The following CCDC18 variants were observed in gnomAD, a reference collection of about 807,000 sequenced individuals.
CCDC18 encodes the protein coiled-coil domain containing 18.
CCDC18 carries 157 observed loss-of-function variants against 196.0 expected under a neutral mutation model. The ratio of observed to expected loss-of-function variants is 0.80; its 90% CI spans 0.70 to 0.91. The LOEUF (loss-of-function observed/expected upper bound fraction) is 0.91. Among genes scored for constraint, CCDC18 ranks in the 40% least tolerant of loss-of-function variants. The pLI, the probability that CCDC18 is intolerant of heterozygous loss-of-function variation, is 0.00. For synonymous variants in CCDC18, 482 were observed against 529.2 expected (o/e 0.91, Z 1.22); for missense variants, 1,465 against 1,611.6 (o/e 0.91, Z 1.56).
At chr1:93,273,028 A>G (rs1352143757) in intron 28 of CCDC18, among the ~76,000 whole-genome samples, 3 of 152,048 alleles carry the variant, frequency 2.0e-5, no homozygotes, top group African/African-American at 4.8e-5. Context: ...ATGGAATGGA[A>G]GGTTTGATAG....
chr1:93,188,648 C>T (rs1651140140), intron 4 of CCDC18, among the ~76,000 whole-genome samples: 1 of 152,048 alleles, frequency 6.6e-6, no homozygotes, highest in African/African-American at 2.4e-5. Context: ...TTTTTTCCCC[C>T]CATTTGTTTG....
intron 28 of CCDC18, among the ~76,000 whole-genome samples, chr1:93,276,458 C>T (rs1665625662): frequency 6.6e-6 from 1 of 152,156 alleles, no homozygotes; most frequent in Non-Finnish European, 1.5e-5. Context: ...TTAGCTAATT[C>T]ACCATTTATT....
chr1:93,239,322 T>C lies in CCDC18; in HGVS notation c.2616T>C (p.Ile872=), dbSNP rs768352347. Residue 872 remains isoleucine (I), a synonymous_variant, in exon 20 of 29, where the codon ATT becomes ATC. Transcript: ENST00000690025. ...ELTGTARQVK[I]EMDQYKEELS... ...TGTTTTTAATTAGGCAAGTAAAGAT[T>C]GAGATGGATCAGTACAAAGAAGAGC... 21 of 1,586,060 alleles carry C rather than the reference T, an allele frequency of 1.3e-5. No individual in the cohort carries two copies. Among genetic ancestry groups the C allele is most frequent in the Non-Finnish European group, 1.8e-5 (21 of 1,167,940 alleles).
Position 93,180,851 on chromosome 1 carries a change from G to A in CCDC18, c.-4G>A, listed in dbSNP as rs947143361. 1.5e-6 allele frequency: 2 copies of A among 1,366,110 alleles called. No homozygotes were observed. Among genetic ancestry groups the A allele is most frequent in the Admixed American group, 1.9e-5 (1 of 52,532 alleles). The allele number at this position is 1,366,110 out of a possible 1,614,324, so 84.6% of individuals were successfully genotyped here. On this transcript the variant is annotated splice_region_variant and 5_prime_UTR_variant, in exon 1 of 29. Coordinates refer to ENST00000690025, the MANE Select transcript of CCDC18 (RefSeq NM_001378204.1). ...CTCGAGTGCGAAGCGCGCAGTCGCC[G>A]GGTGGGTCTCTCCCCAGCGACGATT... is the stretch of plus-strand genomic sequence containing the variant.
Position 93,257,250 on chromosome 1 carries a change from AAAAAAAAAAC to A in CCDC18, c.3546+714_3546+723del, listed in dbSNP as rs967753242. ...CCATCTCAAAAAAAAAAAAAAAAAA[AAAAAAAAAAC>A]ATGAAAACTATCCAAATTTGTAACT... On this transcript the variant is annotated intron_variant, in intron 25 of 28. Coordinates refer to ENST00000690025, the MANE Select transcript of CCDC18 (RefSeq NM_001378204.1). Among the ~76,000 whole-genome samples the A allele has an allele frequency of 3.4e-5, 5 of 145,194 alleles. 1 individual carries two copies. Among genetic ancestry groups the A allele is most frequent in the African/African-American group, 1.4e-4 (5 of 36,498 alleles).
At chr1:93,253,544 G>A (rs1662545664) in intron 23 of CCDC18, among the ~76,000 whole-genome samples, 1 of 152,182 alleles carries the variant, frequency 6.6e-6, no homozygotes, top group South Asian at 2.1e-4. Flanking sequence ...TAGACTCCTA[G>A]GCAGCAGGAT....
At chr1:93,183,074 A>T (rs1218769120) in intron 1 of CCDC18, among the ~76,000 whole-genome samples, 1 of 152,200 alleles carries the variant, frequency 6.6e-6, no homozygotes, top group East Asian at 1.9e-4. Context: ...GAAAATAATT[A>T]ACAATTGTTA....
rs1322625923 is a variant in CCDC18, at chr1:93,194,198, T to TA, written c.698+455dup. 2.0e-5 allele frequency among the ~76,000 whole-genome samples: 3 copies of TA among 152,242 alleles called. No homozygotes were observed. The East Asian group carries it at 5.8e-4, about 29-fold the overall frequency. ...GTGTGCTTGGATCTTCCTTTAGAAA[T>TA]ATATAAATAGTACAAAAATATCTAT... On this transcript the variant is annotated intron_variant, in intron 6 of 28. Transcript: ENST00000690025.
At chr1:93,180,013 C>T (rs1212181764), upstream of CCDC18, 3 of 1,588,094 alleles carry the variant, frequency 1.9e-6, no homozygotes, top group Admixed American at 5.3e-5. Flanking sequence ...CGCAGTGCAG[C>T]TGGGTTAAAG....
At chr1:93,254,419 T>C in intron 23 of CCDC18, 52 bp from the exon 24 acceptor site, 1 of 1,350,258 alleles carries the variant, frequency 7.4e-7, no homozygotes, top group Non-Finnish European at 1.0e-6. Context: ...CAGCATTGAT[T>C]AAATTACATT....
intron 4 of CCDC18, among the ~76,000 whole-genome samples, 196 bp from the exon 5 acceptor site, chr1:93,191,804 G>GCTTA (rs1651854760): frequency 6.6e-6 from 1 of 152,138 alleles, no homozygotes; most frequent in Non-Finnish European, 1.5e-5. Flanking sequence ...AATGCCAGGA[G>GCTTA]CTTACATGCC....
intron 27 of CCDC18, among the ~76,000 whole-genome samples, chr1:93,265,608 G>A (rs1664391729): frequency 2.0e-5 from 3 of 152,086 alleles, no homozygotes; most frequent in South Asian, 4.1e-4. Flanking sequence ...TTTTAAGAAT[G>A]TGAATGTAGG....
At chr1:93,233,002 A>C (rs1389051526) in intron 18 of CCDC18, among the ~76,000 whole-genome samples, 5 of 152,204 alleles carry the variant, frequency 3.3e-5, no homozygotes, top group Middle Eastern at 3.4e-3. Context: ...AACCTCAAGG[A>C]TTTTGCATTA....
chr1:93,181,160 A>T (rs112342836), intron 1 of CCDC18, among the ~76,000 whole-genome samples: 1 of 2,238 alleles, frequency 4.5e-4, no homozygotes, highest in African/African-American at 4.7e-3. Flanking sequence ...CTATAAAATT[A>T]AAAAAAAAAA....
At chr1:93,244,484 C>G (rs1661232112) in intron 21 of CCDC18, among the ~76,000 whole-genome samples, 1 of 152,044 alleles carries the variant, frequency 6.6e-6, no homozygotes, top group Admixed American at 6.6e-5. Flanking sequence ...TTGCATAATT[C>G]CATTTATATG....
intron 14 of CCDC18, 98 bp downstream of exon 14, chr1:93,217,967 CAAA>C: frequency 9.9e-7 from 1 of 1,014,608 alleles, no homozygotes; most frequent in Non-Finnish European, 1.5e-6. Flanking sequence ...CAAAGATACA[CAAA>C]AGTTAGTGGC....
rs369033219 is a variant in CCDC18, at chr1:93,214,750, C to T, written c.1503C>T (p.Ser501=). 27 of 1,608,064 alleles carry T rather than the reference C, an allele frequency of 1.7e-5. No individual in the cohort carries two copies. Among genetic ancestry groups the T allele is most frequent in the Middle Eastern group, 2.2e-4 (1 of 4,584 alleles). The change falls in exon 12 of 29, where the codon AGC becomes AGT. Residue 501 remains serine, a synonymous_variant. Transcript: ENST00000690025. ...TCCTTTTATGTTTATTAGCAGAAAG[C>T]GTAAAAGATCAAAATCAACATACTA... is the stretch of plus-strand genomic sequence containing the variant. ...VKLGGHQVAE[S]VKDQNQHTMN... is the part of the protein sequence containing the mutation.
intron 14 of CCDC18, among the ~76,000 whole-genome samples, chr1:93,218,592 C>T (rs1488973078): frequency 6.6e-6 from 1 of 151,794 alleles, no homozygotes; most frequent in East Asian, 1.9e-4. Context: ...TCACTGCAGT[C>T]TCCGCCTTCT....
chr1:93,220,396 C>T (rs1443443149), intron 14 of CCDC18, among the ~76,000 whole-genome samples: 8 of 151,908 alleles, frequency 5.3e-5, no homozygotes. Context: ...GAAAGTTCCT[C>T]ATGGAAAAAA....
Sources: allele counts gnomAD v4.1 joint callset (sites outside exome capture counted in the v4.1 genomes callset), GRCh38; gene constraint gnomAD v4.1.1; transcripts MANE v1.5; gene names NCBI Gene and HGNC (gene_info 2026-07-23, HGNC 2026-07-21).